DNAH1: variants seen among roughly 807,000 people sequenced by gnomAD.
The protein encoded by DNAH1 is dynein axonemal heavy chain 1, also known as axonemal beta dynein heavy chain 1.
DNAH1 carries 327 observed loss-of-function variants against 484.3 expected under a neutral mutation model. The ratio of observed to expected loss-of-function variants is 0.68; its 90% CI spans 0.62 to 0.74. The LOEUF (loss-of-function observed/expected upper bound fraction) is 0.74, where lower values mean the gene tolerates loss of function less well. DNAH1 is among the 30% of genes least tolerant of loss of function. DNAH1 has a pLI of 0.00. For synonymous variants in DNAH1, 2,192 were observed against 2,191.9 expected (o/e 1.00, Z 0.00); for missense variants, 5,052 against 5,546.8 (o/e 0.91, Z 2.83).
intron 25 of DNAH1, 124 bp from the exon 26 acceptor site, chr3:52,359,122 T>C (rs781630302): frequency 1.4e-5 from 19 of 1,370,406 alleles, no homozygotes; most frequent in Non-Finnish European, 1.8e-5. Flanking sequence ...CTGAAGGGAC[T>C]GGTGGCATCA....
At position 52,399,098 on chromosome 3, in the gene DNAH1, G is replaced by T; in HGVS notation, c.12338G>T (p.Trp4113Leu). 26 of 1,614,062 alleles carry T rather than the reference G, an allele frequency of 1.6e-5. No individual in the cohort carries two copies. Among genetic ancestry groups the T allele is most frequent in the Non-Finnish European group, 2.1e-5 (25 of 1,179,902 alleles). ...CAAGATGGCATCCCAGCTGTCTTCT[G>T]GATCAGTGGATTCTTCTTCCCCCAG... is the stretch of plus-strand genomic sequence containing the variant. Reference protein sequence around the residue: ...WIQDGIPAVFWISGFFFPQAF... With the variant: ...WIQDGIPAVFLISGFFFPQAF... Residue 4113 changes from tryptophan to leucine, a missense_variant, in exon 76 of 78, where the codon TGG becomes TTG. By Grantham distance (61) the Trp-to-Leu change is moderately conservative. This residue lies in a region of DNAH1 where 853 missense variants were observed against 899.0 expected (regional missense o/e 0.95). Coordinates refer to ENST00000420323, the MANE Select transcript of DNAH1 (RefSeq NM_015512.5).
At chr3:52,349,455 G>A (rs1187073656) in intron 14 of DNAH1, 35 bp downstream of exon 14, 1 of 1,581,004 alleles carries the variant, frequency 6.3e-7, no homozygotes, top group Non-Finnish European at 8.7e-7. Context: ...AGTGACCACA[G>A]CAGCACACAC....
At chr3:52,316,003 C>T (rs1700937774), upstream of DNAH1, among the ~76,000 whole-genome samples, 1 of 152,184 alleles carries the variant, frequency 6.6e-6, no homozygotes, top group African/African-American at 2.4e-5. Flanking sequence ...GTCCATTCTC[C>T]AGTTGGGAGA....
intron 12 of DNAH1, among the ~76,000 whole-genome samples, chr3:52,348,661 TTGG>T (rs1413811295): frequency 6.6e-6 from 1 of 152,204 alleles, no homozygotes; most frequent in African/African-American, 2.4e-5. Context: ...ATGCTGCCCC[TTGG>T]TGGGCCTCAC....
chr3:52,385,994 G>T (rs1704087958), intron 54 of DNAH1, among the ~76,000 whole-genome samples, 166 bp from the exon 55 acceptor site: 1 of 152,254 alleles, frequency 6.6e-6, no homozygotes, highest in African/African-American at 2.4e-5. Flanking sequence ...CCCATGGTGA[G>T]CACTCAGGAG....
intron 58 of DNAH1, 50 bp downstream of exon 58, chr3:52,388,659 G>A (rs563961171): frequency 1.2e-6 from 2 of 1,610,910 alleles, no homozygotes; most frequent in African/African-American, 2.7e-5. Flanking sequence ...GCCCAGACAG[G>A]GGCCAGAAAG....
chr3:52,388,573 TGAGCAGTGTGAGCAGCGGCTGG>T lies in DNAH1; in HGVS notation c.9329_9350del (p.Glu3110AlafsTer77). ...AGAAGGAGGAGCTGGAGCTGAAGTG[TGAGCAGTGTGAGCAGCGGCTGG>T]GCCGAGCTGGCAAGGTGCGCACCCT... On this transcript the variant is annotated frameshift_variant, in exon 58 of 78. Coordinates refer to ENST00000420323, the MANE Select transcript of DNAH1 (RefSeq NM_015512.5). LOFTEE classifies it high-confidence loss of function. 6.2e-7 allele frequency: 1 copy of T among 1,612,496 alleles called. No homozygotes were observed. Among genetic ancestry groups the T allele is most frequent in the Non-Finnish European group, 8.5e-7 (1 of 1,179,510 alleles).
intron 44 of DNAH1, 51 bp downstream of exon 44, chr3:52,373,104 G>C: frequency 6.4e-7 from 1 of 1,552,398 alleles, no homozygotes; most frequent in Non-Finnish European, 8.7e-7. Context: ...GTGCTGTGCA[G>C]GGGCACAGGA....
chr3:52,335,322 T>C (rs143350305), intron 8 of DNAH1, among the ~76,000 whole-genome samples: 1,649 of 146,674 alleles, frequency 0.011, 29 homozygotes, highest in African/African-American at 0.04. Flanking sequence ...CCCAAAGTGC[T>C]GGGATTACAG....
rs749833949 is a variant in DNAH1, at chr3:52,350,017, G to A, written c.2555G>A (p.Arg852His). Reference protein sequence around the residue: ...SICEEFRSISRKIYEKPNSIE... With the variant: ...SICEEFRSISHKIYEKPNSIE... Reference sequence around the variant, plus strand: ...TGCGAGGAGTTCCGCAGCATCAGCCGCAAGATCTATGAGAAGCCCAACAGC... The same window carrying A: ...TGCGAGGAGTTCCGCAGCATCAGCCACAAGATCTATGAGAAGCCCAACAGC... The change falls in exon 15 of 78, where the codon CGC (arginine) becomes CAC (histidine). Residue 852 changes from arginine to histidine, a missense_variant. By Grantham distance (29) the Arg-to-His change is conservative. This residue lies in a region of DNAH1 where 1,263 missense variants were observed against 1,218.8 expected (regional missense o/e 1.04). Transcript: ENST00000420323. 156 of 1,612,548 alleles carry A rather than the reference G, an allele frequency of 9.7e-5. 1 individual carries two copies. In the South Asian group the frequency reaches 1.6e-3, roughly 16 times the overall value.
Position 52,397,757 on chromosome 3 carries a change from C to G in DNAH1, c.11838C>G (p.Ile3946Met). ...TCCCACTCAATGATATGCCTGAGAT[C>G]TTTGGCCTGCATGACAATGCCAACA... is the stretch of plus-strand genomic sequence containing the variant. ...KSLPLNDMPE[I>M]FGLHDNANIT... Residue 3946 changes from isoleucine to methionine, a missense_variant, in exon 74 of 78, where the codon ATC (isoleucine) becomes ATG (methionine). Transcript: ENST00000420323. 6.2e-7 allele frequency: 1 copy of G among 1,613,766 alleles called. No individual in the cohort carries two copies. Among genetic ancestry groups the G allele is most frequent in the South Asian group, 1.1e-5 (1 of 91,070 alleles).
In DNAH1 at chr3:52,381,621, T is replaced by C; in HGVS notation, c.7609-19T>C. 2 of 1,585,164 alleles carry C rather than the reference T, an allele frequency of 1.3e-6. No individual in the cohort carries two copies. Among genetic ancestry groups the C allele is most frequent in the Non-Finnish European group, 1.7e-6 (2 of 1,163,300 alleles). On this transcript the variant is annotated intron_variant, in intron 48 of 77. Transcript: ENST00000420323. This position sits in a 1 kb window ranked among gnomAD's most constrained non-coding sequence, Gnocchi z 4.1. ...AGTAAGAGAGACCCCGCCTTCCCCA[T>C]CCTCGCCTTGGTGCACAGATGATGC...
Position 52,395,009 on chromosome 3 carries a change from A to C in DNAH1, c.10918A>C (p.Met3640Leu), listed in dbSNP as rs913751856. 3 of 1,611,912 alleles carry C rather than the reference A, an allele frequency of 1.9e-6. No homozygotes were observed. Among genetic ancestry groups the C allele is most frequent in the Admixed American group, 1.7e-5 (1 of 59,768 alleles). The change falls in exon 68 of 78, where the codon ATG (methionine) becomes CTG (leucine). Residue 3640 changes from methionine to leucine, a missense_variant. Physicochemically the swap from Met to Leu is conservative, Grantham distance 15. Around this residue, in one of 4 missense-constraint regions of DNAH1, gnomAD observed 853 missense variants for 899.0 expected, o/e 0.95. Coordinates refer to ENST00000420323, the MANE Select transcript of DNAH1 (RefSeq NM_015512.5). The surrounding 1 kb of genome is among the most constrained non-coding windows in gnomAD (Gnocchi z 4.4). ...CLRGDKVTNA[M>L]QDFVATNLEP... ...GCGTGGGGACAAGGTTACCAACGCC[A>C]TGCAGGACTTTGTGGCCACCAACCT...
chr3:52,350,523 G>A lies in DNAH1; in HGVS notation c.2662G>A (p.Val888Ile). The change falls in exon 16 of 78, where the codon GTC (valine) becomes ATC (isoleucine). Residue 888 changes from valine (V) to isoleucine (I), a missense_variant. By Grantham distance (29) the Val-to-Ile change is conservative. This residue lies in a region of DNAH1 where 1,263 missense variants were observed against 1,218.8 expected (regional missense o/e 1.04). Transcript: ENST00000420323. ...LVGLEERIVK[V>I]MDDYQVMDEF... ...GTCTGTGCAGGAGCGGATTGTGAAG[G>A]TCATGGATGACTACCAGGTCATGGA... 1 of 1,613,938 alleles carries A rather than the reference G, an allele frequency of 6.2e-7. No homozygotes were observed. Among genetic ancestry groups the A allele is most frequent in the Non-Finnish European group, 8.5e-7 (1 of 1,179,860 alleles).
intron 35 of DNAH1, 50 bp downstream of exon 35, chr3:52,366,598 G>C (rs1422731356): frequency 3.8e-6 from 6 of 1,561,082 alleles, no homozygotes; most frequent in Admixed American, 1.9e-5. Context: ...GGGCCTGTAG[G>C]GGGGTGCAGC....
Position 52,353,359 on chromosome 3 carries a change from C to T in DNAH1, c.3227-21C>T, listed in dbSNP as rs575106762. On this transcript the variant is annotated intron_variant, in intron 19 of 77. Coordinates refer to ENST00000420323, the MANE Select transcript of DNAH1 (RefSeq NM_015512.5). This position sits in a 1 kb window ranked among gnomAD's most constrained non-coding sequence, Gnocchi z 5.0. ...CTGCCTCTGCCGCCTGCCTCTCATG[C>T]GTTTCTGTCTTACCCGGCAGCCTGC... The T allele has an allele frequency of 1.1e-5, 17 of 1,608,302 alleles. No homozygotes were observed. In the South Asian group the frequency reaches 1.3e-4, roughly 13 times the overall value.
In DNAH1 at chr3:52,396,785, C is replaced by T; in HGVS notation, c.11598C>T (p.Asp3866=). The change falls in exon 72 of 78, where the codon GAC becomes GAT. Residue 3866 remains aspartate (D), a synonymous_variant. Coordinates refer to ENST00000420323, the MANE Select transcript of DNAH1 (RefSeq NM_015512.5). The part of the protein sequence containing the change: ...QLKMFLDEYD[D]IPYKVLKYTA... ...AGATGTTCCTGGACGAATATGATGA[C>T]ATCCCCTACAAGGTGGGCCTGGGGC... is the stretch of plus-strand genomic sequence containing the variant. 1 of 1,613,480 alleles carries T rather than the reference C, an allele frequency of 6.2e-7. No individual in the cohort carries two copies. Among genetic ancestry groups the T allele is most frequent in the Non-Finnish European group, 8.5e-7 (1 of 1,179,716 alleles).
intron 44 of DNAH1, chr3:52,373,574 G>A: frequency 6.7e-7 from 1 of 1,483,194 alleles, no homozygotes; most frequent in Non-Finnish European, 9.4e-7. Context: ...AGCCCATAGT[G>A]AAGAAAGACA....
chr3:52,362,061 G>C lies in DNAH1; in HGVS notation c.4980+295G>C, dbSNP rs186468679. Among the ~76,000 whole-genome samples the C allele has an allele frequency of 4.6e-5, 7 of 152,374 alleles. No homozygotes were observed. Among genetic ancestry groups the C allele is most frequent in the Non-Finnish European group, 1.5e-5 (1 of 68,038 alleles). The stretch of plus-strand genomic sequence containing the variant: ...CTTGTTCTGGGGACAGGAGCTGAGA[G>C]GCTAGCAGTTATCCCCTCCCCCACT... On this transcript the variant is annotated intron_variant, in intron 30 of 77. Transcript: ENST00000420323. The surrounding 1 kb of genome is among the most constrained non-coding windows in gnomAD (Gnocchi z 5.1).
Sources: allele counts gnomAD v4.1 joint callset (sites outside exome capture counted in the v4.1 genomes callset), GRCh38; gene constraint gnomAD v4.1.1; regional missense constraint gnomAD v4.1.1; non-coding constraint Gnocchi (gnomAD v3.1); transcripts MANE v1.5; gene names NCBI Gene and HGNC (gene_info 2026-07-23, HGNC 2026-07-21).